Variants in ST6GALNAC5 observed in about 807,000 individuals in gnomAD.
The protein encoded by ST6GALNAC5 is ST6 N-acetylgalactosaminide alpha-2,6-sialyltransferase 5, also known as alpha-N-acetylgalactosaminide alpha-2,6-sialyltransferase 5.
In ST6GALNAC5, 27 loss-of-function variants were observed where a neutral mutation model predicts 33.6. The observed-to-expected ratio is 0.80, with a 90% CI of 0.59 to 1.11. The LOEUF (loss-of-function observed/expected upper bound fraction) is 1.11, where lower values mean the gene tolerates loss of function less well. ST6GALNAC5 is among the 50% of genes least tolerant of loss of function. The pLI is 0.00. For missense variants in ST6GALNAC5, 428 were observed against 454.0 expected, an observed-to-expected ratio of 0.94 and a Z score of 0.52; for synonymous variants, 194 against 171.2, an observed-to-expected ratio of 1.13 and a Z score of -1.04.
intron 2 of ST6GALNAC5, among the ~76,000 whole-genome samples, chr1:76,877,466 A>T (rs906483195): frequency 1.3e-5 from 2 of 152,152 alleles, no homozygotes; most frequent in Admixed American, 6.5e-5. Context: ...TCCAAAATCT[A>T]AATAGGCCCA....
chr1:77,023,952 G>A (rs185288903), intron 2 of ST6GALNAC5, among the ~76,000 whole-genome samples: 22 of 152,248 alleles, frequency 1.4e-4, no homozygotes, highest in Admixed American at 1.4e-3. Context: ...TCAAAATTCA[G>A]CCTCAGTTAT....
rs1653426681 is a variant in ST6GALNAC5 at position 76,868,801 on chromosome 1, C to A, written c.261+59C>A. The A allele has an allele frequency of 1.4e-6, 2 of 1,435,836 alleles. No homozygotes were observed. The highest frequency in any genetic ancestry group is 2.9e-5 in the African/African-American group (2 of 68,496). 88.9% of individuals were successfully genotyped at this position (1,435,836 alleles called of 1,614,324 possible). On this transcript the variant is annotated intron_variant, in intron 2 of 4. Coordinates refer to ENST00000477717, the MANE Select transcript of ST6GALNAC5 (RefSeq NM_030965.3). The surrounding 1 kb of genome is among the most constrained non-coding windows in gnomAD (Gnocchi z 4.3). ...AGCCTGGGGATCCCGCACACCTGAG[C>A]CTTCCCCCTTTCCCGGGGCTGGGAG...
chr1:76,886,127 GGTTTACTTT>G (rs1278831283), intron 2 of ST6GALNAC5, among the ~76,000 whole-genome samples: 57 of 152,130 alleles, frequency 3.7e-4, no homozygotes, highest in African/African-American at 1.3e-3. Context: ...ATATAGTAAA[GGTTTACTTT>G]GACATATTGT....
At chr1:76,945,305 A>G (rs1393656) in intron 2 of ST6GALNAC5, among the ~76,000 whole-genome samples, 1 of 152,132 alleles carries the variant, frequency 6.6e-6, no homozygotes, top group Non-Finnish European at 1.5e-5. Flanking sequence ...CTGTGTCAAA[A>G]TAGTGTTTTG....
At chr1:76,992,335 G>C (rs938804555) in intron 2 of ST6GALNAC5, among the ~76,000 whole-genome samples, 2 of 152,132 alleles carry the variant, frequency 1.3e-5, no homozygotes, top group Non-Finnish European at 2.9e-5. Context: ...CCTATGTCAA[G>C]ATCTGCTGCC....
At chr1:76,871,725 C>G (rs911657564) in intron 2 of ST6GALNAC5, among the ~76,000 whole-genome samples, 1 of 152,114 alleles carries the variant, frequency 6.6e-6, no homozygotes, top group Admixed American at 6.5e-5. Flanking sequence ...TCTCTACTTC[C>G]TCTTTCACAA....
At chr1:76,886,920 G>A (rs1488783642) in intron 2 of ST6GALNAC5, among the ~76,000 whole-genome samples, 1 of 152,140 alleles carries the variant, frequency 6.6e-6, no homozygotes, top group Admixed American at 6.6e-5. Context: ...TCCATTGTAT[G>A]GCTATACCGT....
At chr1:76,982,561 C>T (rs556406632) in intron 2 of ST6GALNAC5, among the ~76,000 whole-genome samples, 5 of 152,146 alleles carry the variant, frequency 3.3e-5, no homozygotes, top group South Asian at 4.1e-4. Flanking sequence ...AAGTGATGGG[C>T]GGATGAAGCC....
chr1:76,887,004 C>T (rs1018210231), intron 2 of ST6GALNAC5, among the ~76,000 whole-genome samples: 50 of 152,218 alleles, frequency 3.3e-4, no homozygotes, highest in African/African-American at 1.2e-3. Flanking sequence ...AATAATGCTG[C>T]GATGAACACT....
chr1:76,872,117 A>ACC (rs1491490217), intron 2 of ST6GALNAC5, among the ~76,000 whole-genome samples: 3 of 125,924 alleles, frequency 2.4e-5, no homozygotes, highest in Admixed American at 7.6e-5. Flanking sequence ...ACACACACAC[A>ACC]CCACACACAT....
intron 2 of ST6GALNAC5, among the ~76,000 whole-genome samples, chr1:77,013,736 A>C (rs1039753476): frequency 6.6e-6 from 1 of 152,234 alleles, no homozygotes; most frequent in Non-Finnish European, 1.5e-5. Context: ...CACCACCTTA[A>C]GTGAAAGGAT....
intron 2 of ST6GALNAC5, among the ~76,000 whole-genome samples, chr1:77,007,198 A>C (rs761398423): frequency 4.6e-5 from 7 of 152,164 alleles, no homozygotes; most frequent in Non-Finnish European, 8.8e-5. Context: ...ACCACAACTT[A>C]ACTGCTTGAT....
chr1:76,869,774 G>C (rs1186747170), intron 2 of ST6GALNAC5, among the ~76,000 whole-genome samples: 1 of 152,164 alleles, frequency 6.6e-6, no homozygotes, highest in Non-Finnish European at 1.5e-5. Flanking sequence ...TAATGCTAAG[G>C]ATTTGAAAGG....
At chr1:77,060,483 G>A (rs1257475969) in intron 4 of ST6GALNAC5, among the ~76,000 whole-genome samples, 1 of 152,124 alleles carries the variant, frequency 6.6e-6, no homozygotes, top group African/African-American at 2.4e-5. Flanking sequence ...AATTCCAGCT[G>A]ATGGCAGGCT....
At chr1:76,954,971 A>C (rs1011044291) in intron 2 of ST6GALNAC5, among the ~76,000 whole-genome samples, 1 of 152,188 alleles carries the variant, frequency 6.6e-6, no homozygotes, top group African/African-American at 2.4e-5. Flanking sequence ...TCTATGGAGA[A>C]GGGATTGGGG....
At chr1:76,940,468 C>G (rs557259483) in intron 2 of ST6GALNAC5, among the ~76,000 whole-genome samples, 5 of 152,188 alleles carry the variant, frequency 3.3e-5, no homozygotes, top group African/African-American at 1.2e-4. Context: ...CAGACCCACA[C>G]AAGCACATAC....
intron 2 of ST6GALNAC5, among the ~76,000 whole-genome samples, chr1:77,038,544 A>G (rs1651731787): frequency 6.6e-6 from 1 of 152,226 alleles, no homozygotes; most frequent in South Asian, 2.1e-4. Flanking sequence ...TGCCAAATAT[A>G]TCAGAATTTT....
intron 2 of ST6GALNAC5, among the ~76,000 whole-genome samples, chr1:76,967,953 G>A (rs1043618961): frequency 6.6e-6 from 1 of 152,178 alleles, no homozygotes; most frequent in African/African-American, 2.4e-5. Flanking sequence ...GAGACAGTTT[G>A]TTGTGATTTC....
chr1:77,016,368 TA>T (rs1486632724), intron 2 of ST6GALNAC5, among the ~76,000 whole-genome samples: 1 of 149,474 alleles, frequency 6.7e-6, no homozygotes, highest in African/African-American at 2.5e-5. Context: ...ACGGAAAAAA[TA>T]GTTATTTATT....
Sources: gnomAD v4.1 joint callset for allele counts (sites outside exome capture counted in the v4.1 genomes callset) on GRCh38, gnomAD v4.1.1 for gene constraint, Gnocchi (gnomAD v3.1) non-coding constraint, MANE v1.5 for transcripts, NCBI Gene and HGNC (gene_info 2026-07-23, HGNC 2026-07-21) for gene names.